Variants in PALM2AKAP2 observed in about 807,000 individuals in gnomAD.
The protein encoded by PALM2AKAP2 is PALM2 and AKAP2 fusion.
PALM2AKAP2 carries 37 observed loss-of-function variants against 71.5 expected under a neutral mutation model. The ratio of observed to expected loss-of-function variants is 0.52; its 90% CI spans 0.40 to 0.68. The LOEUF is 0.68. Ranked by LOEUF, PALM2AKAP2 falls within the 30% of genes least tolerant of loss-of-function variation. The pLI, the probability that PALM2AKAP2 is intolerant of heterozygous loss-of-function variation, is 0.00. For synonymous variants in PALM2AKAP2, 468 were observed against 478.8 expected (o/e 0.98, Z 0.29); for missense variants, 1,224 against 1,191.8 (o/e 1.03, Z -0.40).
At chr9:109,775,505 A>T (rs930358180), upstream of PALM2AKAP2, among the ~76,000 whole-genome samples, 5 of 152,232 alleles carry the variant, frequency 3.3e-5, no homozygotes, top group African/African-American at 9.6e-5. Flanking sequence ...CAACCACAGG[A>T]GCCAAGAGGA....
chr9:109,669,686 C>G (rs1827545686), intron 1 of PALM2AKAP2, among the ~76,000 whole-genome samples: 1 of 151,806 alleles, frequency 6.6e-6, no homozygotes, highest in South Asian at 2.1e-4. Flanking sequence ...TCGCATTTTT[C>G]AGGAAATTTT....
chr9:109,840,169 T>C (rs1408790040), intron 1 of PALM2AKAP2, among the ~76,000 whole-genome samples: 1 of 152,030 alleles, frequency 6.6e-6, no homozygotes, highest in Non-Finnish European at 1.5e-5. Context: ...AAAACAGAGA[T>C]ATAGACCAAT....
chr9:110,035,405 TATA>T (rs767025920), intron 7 of PALM2AKAP2, among the ~76,000 whole-genome samples: 132 of 118,530 alleles, frequency 1.1e-3, no homozygotes, highest in Middle Eastern at 6.1e-3. Flanking sequence ...CATATACGTA[TATA>T]ATATGTATAA....
chr9:109,869,560 G>A (rs564143665), intron 2 of PALM2AKAP2, among the ~76,000 whole-genome samples: 24 of 150,586 alleles, frequency 1.6e-4, no homozygotes, highest in Admixed American at 1.0e-3. Context: ...GGATAGTCTC[G>A]ATCTCCTGAC....
chr9:109,650,196 G>A (rs549806268), intron 1 of PALM2AKAP2, among the ~76,000 whole-genome samples: 4 of 151,964 alleles, frequency 2.6e-5, no homozygotes, highest in East Asian at 1.9e-4. Context: ...TGTCCCCCAC[G>A]TTTTGCCAGT....
intron 3 of PALM2AKAP2, among the ~76,000 whole-genome samples, chr9:110,165,683 A>G (rs1008307382): frequency 6.6e-5 from 10 of 152,198 alleles, no homozygotes; most frequent in African/African-American, 2.4e-4. Context: ...TCCAAACCCA[A>G]GCTATACTAA....
intron 1 of PALM2AKAP2, among the ~76,000 whole-genome samples, chr9:109,796,869 T>A (rs1032896514): frequency 1.3e-5 from 2 of 152,160 alleles, no homozygotes; most frequent in Non-Finnish European, 2.9e-5. Context: ...CAAGATGAGA[T>A]GTGGGTGGGG....
intron 1 of PALM2AKAP2, among the ~76,000 whole-genome samples, chr9:110,073,124 T>C (rs1441625047): frequency 2.0e-5 from 3 of 152,220 alleles, no homozygotes; most frequent in African/African-American, 7.2e-5. Flanking sequence ...TGTAATTTCT[T>C]TTGTAATAAT....
chr9:110,129,946 A>T (rs1409489045), intron 1 of PALM2AKAP2, among the ~76,000 whole-genome samples: 1 of 152,184 alleles, frequency 6.6e-6, no homozygotes, highest in Non-Finnish European at 1.5e-5. Context: ...ACTAAAATTC[A>T]CATGTAAGGA....
At chr9:110,083,144 A>G (rs924685094) in intron 1 of PALM2AKAP2, among the ~76,000 whole-genome samples, 8 of 152,190 alleles carry the variant, frequency 5.3e-5, no homozygotes, top group Non-Finnish European at 8.8e-5. Flanking sequence ...TTGGTCTCAA[A>G]AAAAGCAAAA....
intron 2 of PALM2AKAP2, among the ~76,000 whole-genome samples, chr9:110,150,704 C>T (rs915555019): frequency 7.2e-5 from 11 of 152,196 alleles, no homozygotes; most frequent in Admixed American, 2.0e-4. Context: ...ATATAGTGTT[C>T]ATCTTATGCT....
chr9:110,112,423 C>G (rs1003161957), intron 1 of PALM2AKAP2, among the ~76,000 whole-genome samples: 1 of 152,092 alleles, frequency 6.6e-6, no homozygotes, highest in Non-Finnish European at 1.5e-5. Context: ...ACGGATTAGC[C>G]CTATTTCACA....
At chr9:110,018,577 C>T (rs1157986742) in intron 7 of PALM2AKAP2, among the ~76,000 whole-genome samples, 3 of 151,726 alleles carry the variant, frequency 2.0e-5, no homozygotes, top group Non-Finnish European at 2.9e-5. Context: ...GTGATCTGCC[C>T]GCCTCAGCCT....
At chr9:110,170,505 C>T (rs554965282) in exon 4 of PALM2AKAP2, 1 of 152,326 alleles carries the variant, frequency 6.6e-6, no homozygotes, top group African/African-American at 2.4e-5. Flanking sequence ...TAACAAGGAT[C>T]CTTTAAAACT....
At chr9:109,718,682 C>T (rs1828364205) in intron 1 of PALM2AKAP2, among the ~76,000 whole-genome samples, 1 of 152,042 alleles carries the variant, frequency 6.6e-6, no homozygotes, top group Non-Finnish European at 1.5e-5. Context: ...AACATCTTAA[C>T]AATACCAAGT....
intron 2 of PALM2AKAP2, among the ~76,000 whole-genome samples, chr9:110,140,383 C>T (rs1052060837): frequency 9.9e-5 from 15 of 152,140 alleles, no homozygotes; most frequent in African/African-American, 3.4e-4. Context: ...ACCCTGAAAT[C>T]GGTCGTCTCT....
intron 1 of PALM2AKAP2, among the ~76,000 whole-genome samples, chr9:110,121,036 G>C (rs1355259845): frequency 2.0e-5 from 3 of 152,114 alleles, no homozygotes; most frequent in Non-Finnish European, 4.4e-5. Flanking sequence ...CCTCTGCTCT[G>C]TAGCTTTCTA....
intron 6 of PALM2AKAP2, among the ~76,000 whole-genome samples, chr9:109,976,119 A>G (rs961395377): frequency 1.3e-5 from 2 of 152,166 alleles, no homozygotes; most frequent in Non-Finnish European, 2.9e-5. Context: ...CCAAGTCCTT[A>G]CCACCTCATC....
At chr9:110,080,522 G>C (rs1261424691) in intron 1 of PALM2AKAP2, among the ~76,000 whole-genome samples, 1 of 152,072 alleles carries the variant, frequency 6.6e-6, no homozygotes, top group Non-Finnish European at 1.5e-5. Context: ...GATGTAAAAT[G>C]TCTGCGTGGC....
Sources: allele counts gnomAD v4.1 joint callset (sites outside exome capture counted in the v4.1 genomes callset), GRCh38; gene constraint gnomAD v4.1.1; transcripts MANE v1.5; gene names NCBI Gene and HGNC (gene_info 2026-07-23, HGNC 2026-07-21).